DPYD: variants seen among roughly 807,000 people sequenced by gnomAD.
The protein encoded by DPYD is dihydropyrimidine dehydrogenase [NADP(+)].
DPYD carries 109 observed loss-of-function variants against 116.2 expected under a neutral mutation model. The ratio of observed to expected loss-of-function variants is 0.94; its 90% confidence interval spans 0.80 to 1.10. The LOEUF (loss-of-function observed/expected upper bound fraction) is 1.10. Ranked by LOEUF, DPYD falls within the 50% of genes least tolerant of loss-of-function variation. The pLI, the probability that DPYD is intolerant of heterozygous loss-of-function variation, is 0.00. For synonymous variants in DPYD, 440 were observed against 432.0 expected (o/e 1.02, Z -0.23); for missense variants, 1,302 against 1,254.5 (o/e 1.04, Z -0.57).
chr1:97,778,216 G>T (rs1295197300), intron 3 of DPYD, among the ~76,000 whole-genome samples: 1 of 134,898 alleles, frequency 7.4e-6, no homozygotes, highest in Non-Finnish European at 1.6e-5. Context: ...GAGAGAGAGA[G>T]AGAGGGAGGG....
intron 18 of DPYD, chr1:97,295,859 T>C: frequency 3.4e-6 from 2 of 584,964 alleles, no homozygotes; most frequent in Non-Finnish European, 4.3e-6. Flanking sequence ...GTTAGTGGTT[T>C]TCTCACAGAG....
At chr1:97,556,458 A>C in intron 11 of DPYD, among the ~76,000 whole-genome samples, 1 of 139,994 alleles carries the variant, frequency 7.1e-6, no homozygotes, top group African/African-American at 2.7e-5. Flanking sequence ...GCACCCACTA[A>C]CTCGTCATCT....
intron 18 of DPYD, among the ~76,000 whole-genome samples, chr1:97,237,462 A>G (rs2100758933): frequency 6.6e-6 from 1 of 152,290 alleles, no homozygotes. Flanking sequence ...CTGACACTTC[A>G]AAATTCATAA....
chr1:97,256,180 C>T (rs530611702), intron 18 of DPYD, among the ~76,000 whole-genome samples: 4 of 151,988 alleles, frequency 2.6e-5, no homozygotes, highest in African/African-American at 9.7e-5. Context: ...TTTTATTGCC[C>T]GCTAATAAAA....
chr1:97,503,092 T>C (rs76411593), intron 13 of DPYD, among the ~76,000 whole-genome samples: 2,488 of 152,148 alleles, frequency 0.016, 66 homozygotes, highest in African/African-American at 0.057. Context: ...AAGAGTATAT[T>C]GTGCCTCTCT....
At chr1:97,317,464 G>A (rs1667926447) in intron 16 of DPYD, among the ~76,000 whole-genome samples, 1 of 151,966 alleles carries the variant, frequency 6.6e-6, no homozygotes, top group East Asian at 1.9e-4. Flanking sequence ...GGGCAAGTGT[G>A]TATGTAAATG....
At chr1:97,535,485 G>T (rs762499653) in intron 12 of DPYD, among the ~76,000 whole-genome samples, 3 of 152,034 alleles carry the variant, frequency 2.0e-5, no homozygotes, top group Non-Finnish European at 4.4e-5. Flanking sequence ...GATTCCCTAC[G>T]TATTGGATCA....
chr1:97,126,421 G>C (rs1283111658), intron 20 of DPYD, among the ~76,000 whole-genome samples: 1 of 152,072 alleles, frequency 6.6e-6, no homozygotes, highest in Non-Finnish European at 1.5e-5. Context: ...ACTCAAGCTT[G>C]TACCAAATCA....
chr1:97,913,510 G>A (rs781250648), intron 1 of DPYD, among the ~76,000 whole-genome samples: 2 of 152,138 alleles, frequency 1.3e-5, no homozygotes, highest in African/African-American at 4.8e-5. Context: ...CTATGGCATA[G>A]AGCAAAATTA....
At chr1:97,185,101 C>T (rs1328911287) in intron 20 of DPYD, among the ~76,000 whole-genome samples, 3 of 152,034 alleles carry the variant, frequency 2.0e-5, no homozygotes, top group Non-Finnish European at 4.4e-5. Context: ...AATGCTTTTG[C>T]TGATCTAAGG....
chr1:97,394,178 G>A (rs1183462330), intron 14 of DPYD: 1 of 152,100 alleles, frequency 6.6e-6, no homozygotes, highest in African/African-American at 2.4e-5. Context: ...GTTCTTTGTA[G>A]ATTCTGGATA....
chr1:97,805,258 A>G (rs1668026730), intron 3 of DPYD, among the ~76,000 whole-genome samples: 1 of 151,900 alleles, frequency 6.6e-6, no homozygotes, highest in Non-Finnish European at 1.5e-5. Context: ...ACTAGGGCAG[A>G]GAACACAGAC....
chr1:97,079,892 TTCC>T (rs895591430), intron 22 of DPYD, among the ~76,000 whole-genome samples: 8 of 152,078 alleles, frequency 5.3e-5, no homozygotes, highest in African/African-American at 1.9e-4. Flanking sequence ...CCTCCCTCCC[TTCC>T]TCTCTTTTTC....
Position 97,450,155 on chromosome 1 carries a change from T to C in DPYD, c.1809A>G (p.Gly603=), listed in dbSNP as rs1420223881. Reference sequence around the variant, plus strand: ...GCTCAATATTCAGAAAGGAGCTTTGTCCAGGGCCATACATGGGGCCAGAGG... The same window carrying C: ...GCTCAATATTCAGAAAGGAGCTTTGCCCAGGGCCATACATGGGGCCAGAGG... ...GTTSGPMYGP[G]QSSFLNIELI... is the part of the protein sequence containing the mutation. Residue 603 remains glycine (G), a synonymous_variant, in exon 14 of 23, where the codon GGA becomes GGG. Coordinates refer to ENST00000370192, the MANE Select transcript of DPYD (RefSeq NM_000110.4). 6.2e-7 allele frequency: 1 copy of C among 1,613,844 alleles called. No individual in the cohort carries two copies. Among genetic ancestry groups the C allele is most frequent in the African/African-American group, 1.3e-5 (1 of 74,926 alleles).
chr1:97,794,969 C>A (rs889182362), intron 3 of DPYD, among the ~76,000 whole-genome samples: 1 of 151,968 alleles, frequency 6.6e-6, no homozygotes, highest in Non-Finnish European at 1.5e-5. Flanking sequence ...TTGCAATATA[C>A]CTAATCTTGT....
chr1:97,552,942 C>A (rs1172059415), intron 11 of DPYD, among the ~76,000 whole-genome samples: 2 of 151,868 alleles, frequency 1.3e-5, no homozygotes, highest in Admixed American at 6.6e-5. Context: ...AAAATAGAGA[C>A]CATCTGTATA....
intron 13 of DPYD, among the ~76,000 whole-genome samples, chr1:97,455,793 C>G (rs1222510544): frequency 6.6e-6 from 1 of 151,832 alleles, no homozygotes; most frequent in Non-Finnish European, 1.5e-5. Flanking sequence ...ATACTCTCTA[C>G]TTGGTTTTCT....
intron 13 of DPYD, among the ~76,000 whole-genome samples, chr1:97,467,723 T>TCAACA (rs1459660093): frequency 2.0e-5 from 3 of 152,164 alleles, no homozygotes; most frequent in African/African-American, 7.2e-5. Context: ...ATGTACTCCA[T>TCAACA]CAACAAAGCA....
intron 19 of DPYD, among the ~76,000 whole-genome samples, chr1:97,205,631 G>A (rs899225777): frequency 2.6e-5 from 4 of 152,024 alleles, no homozygotes; most frequent in Non-Finnish European, 5.9e-5. Context: ...ATTCCTTAGT[G>A]TAATCTGATA....
Sources: allele counts gnomAD v4.1 joint callset (sites outside exome capture counted in the v4.1 genomes callset), GRCh38; gene constraint gnomAD v4.1.1; transcripts MANE v1.5; gene names NCBI Gene and HGNC (gene_info 2026-07-23, HGNC 2026-07-21).